Variants in VPS13D observed in about 807,000 individuals in gnomAD.
VPS13D encodes the protein vacuolar protein sorting 13 homolog D, also known as intermembrane lipid transfer protein VPS13D.
A neutral mutation model predicts 461.9 loss-of-function variants in VPS13D; 187 were observed. That is an observed-to-expected ratio of 0.40 (90% CI 0.36 to 0.46). The LOEUF (loss-of-function observed/expected upper bound fraction) is 0.46. VPS13D is among the 20% of genes least tolerant of loss of function. The pLI is 0.60. For synonymous variants in VPS13D, 1,951 were observed against 1,986.3 expected, an observed-to-expected ratio of 0.98 and a Z score of 0.47; for missense variants, 4,711 against 5,364.9, an observed-to-expected ratio of 0.88 and a Z score of 3.81.
chr1:12,322,477 A>C, intron 33 of VPS13D, 59 bp from the exon 34 acceptor site: 1 of 1,508,720 alleles, frequency 6.6e-7, no homozygotes, highest in South Asian at 1.2e-5. Context: ...TCTGTAAGAG[A>C]TATGGATGTA....
At chr1:12,269,623 G>T (rs1641374208) in intron 16 of VPS13D, among the ~76,000 whole-genome samples, 1 of 152,204 alleles carries the variant, frequency 6.6e-6, no homozygotes, top group African/African-American at 2.4e-5. Flanking sequence ...AGTTGTAAAT[G>T]TAATCACTGA....
Position 12,403,781 on chromosome 1 carries a change from C to A in VPS13D, c.11882-44C>A, listed in dbSNP as rs745597203. The A allele has an allele frequency of 7.9e-6, 12 of 1,525,272 alleles. No individual in the cohort carries two copies. The Admixed American group carries it at 2.5e-4, about 31-fold the overall frequency. The allele number at this position is 1,525,272 out of a possible 1,614,324, so 94.5% of individuals were successfully genotyped here. On this transcript the variant is annotated intron_variant, in intron 62 of 69. Transcript: ENST00000620676. ...AAAGTGGATTCTGTGGATCATGAGA[C>A]TAAGAAATTCTTTTTTGTTTTTTTA...
Position 12,321,897 on chromosome 1 carries a change from C to T in VPS13D, c.7637C>T (p.Ser2546Phe). The T allele has an allele frequency of 6.2e-7, 1 of 1,613,632 alleles. No individual in the cohort carries two copies. Among genetic ancestry groups the T allele is most frequent in the Non-Finnish European group, 8.5e-7 (1 of 1,179,854 alleles). ...ATTCAAATGGAGTTGGTGGGGAATT[C>T]TTCTTATCAAAATAGTTCAGGATTG... Reference protein sequence around the residue: ...VQIQMELVGNSSYQNSSGLMD... With the variant: ...VQIQMELVGNFSYQNSSGLMD... Residue 2546 changes from serine to phenylalanine, a missense_variant, in exon 33 of 70, where the codon TCT becomes TTT. Coordinates refer to ENST00000620676, the MANE Select transcript of VPS13D (RefSeq NM_015378.4).
rs573404270 is a variant in VPS13D, at chr1:12,349,408, T to C, written c.9431+34T>C. The C allele has an allele frequency of 1.0e-5, 16 of 1,594,582 alleles. No homozygotes were observed. The African/African-American group carries it at 2.0e-4, about 20-fold the overall frequency. ...CACCACTGCAGTGACATGTCACTTT[T>C]GCCTTTTTTTTTTCTTTTGGAATGA... On this transcript the variant is annotated intron_variant, in intron 46 of 69. Coordinates refer to ENST00000620676, the MANE Select transcript of VPS13D (RefSeq NM_015378.4).
intron 43 of VPS13D, among the ~76,000 whole-genome samples, chr1:12,346,278 C>CA (rs1643674106): frequency 6.6e-6 from 1 of 151,886 alleles, no homozygotes; most frequent in Non-Finnish European, 1.5e-5. Flanking sequence ...TACAAAAAAA[C>CA]AAAAACAAAA....
intron 22 of VPS13D, 91 bp downstream of exon 22, chr1:12,288,404 A>C: frequency 8.5e-7 from 1 of 1,172,526 alleles, no homozygotes; most frequent in Non-Finnish European, 1.3e-6. Flanking sequence ...TCACGTGCTG[A>C]GTAAGGTGTG....
At chr1:12,468,790 T>C (rs1403291181) in intron 67 of VPS13D, among the ~76,000 whole-genome samples, 1 of 152,188 alleles carries the variant, frequency 6.6e-6, no homozygotes, top group African/African-American at 2.4e-5. Flanking sequence ...CCCAACACTT[T>C]GGGAGGCTGG....
At chr1:12,498,014 AAAAC>A (rs1645983784) in intron 68 of VPS13D, among the ~76,000 whole-genome samples, 1 of 152,252 alleles carries the variant, frequency 6.6e-6, no homozygotes, top group African/African-American at 2.4e-5. Flanking sequence ...ACAAAACAGA[AAAAC>A]AAATAGCAAA....
In VPS13D at chr1:12,369,570, C is replaced by T. The variant is rs1364709610; in HGVS notation, c.10676C>T (p.Pro3559Leu). The T allele has an allele frequency of 6.2e-7, 1 of 1,614,058 alleles. No individual in the cohort carries two copies. Among genetic ancestry groups the T allele is most frequent in the African/African-American group, 1.3e-5 (1 of 74,926 alleles). The change falls in exon 54 of 70, where the codon CCA becomes CTA. Residue 3559 changes from proline to leucine, a missense_variant. Transcript: ENST00000620676. Reference sequence around the variant, plus strand: ...TATGCCTGGGACGAACCCACCTTGCCACCTTTTATCACTCTGACTGTTAAA... The same window carrying T: ...TATGCCTGGGACGAACCCACCTTGCTACCTTTTATCACTCTGACTGTTAAA... Reference protein sequence around the residue: ...LDYAWDEPTLPPFITLTVKGA... With the variant: ...LDYAWDEPTLLPFITLTVKGA...
At chr1:12,304,427 A>T (rs1642505397) in intron 25 of VPS13D, 79 bp from the exon 26 acceptor site, 2 of 1,301,498 alleles carry the variant, frequency 1.5e-6, no homozygotes, top group African/African-American at 2.9e-5. Flanking sequence ...GACTTTGGAG[A>T]TATTAAAGAT....
At chr1:12,317,704 C>T (rs996558172) in intron 30 of VPS13D, among the ~76,000 whole-genome samples, 1 of 151,886 alleles carries the variant, frequency 6.6e-6, no homozygotes, top group African/African-American at 2.4e-5. Context: ...GTGATCGTGC[C>T]ACTGCATTCC....
chr1:12,341,289 A>G (rs557411983), intron 40 of VPS13D, among the ~76,000 whole-genome samples: 1 of 152,362 alleles, frequency 6.6e-6, no homozygotes, highest in African/African-American at 2.4e-5. Context: ...CTATTAGTAT[A>G]AAAGAATAGG....
chr1:12,494,005 TG>T (rs1178057720), intron 67 of VPS13D, among the ~76,000 whole-genome samples: 1 of 152,146 alleles, frequency 6.6e-6, no homozygotes, highest in Non-Finnish European at 1.5e-5. Context: ...GTATGCCTTC[TG>T]GAAGTCCTTG....
Position 12,323,686 on chromosome 1 carries a change from T to A in VPS13D, c.7916-20T>A, listed in dbSNP as rs1643103528. Reference sequence around the variant, plus strand: ...TTACATAAAATTATTTATGAAAATTTTATGCTATTTGTTTCCTAGAGTTAC... The same window carrying A: ...TTACATAAAATTATTTATGAAAATTATATGCTATTTGTTTCCTAGAGTTAC... On this transcript the variant is annotated intron_variant, in intron 34 of 69. Transcript: ENST00000620676. The A allele has an allele frequency of 1.2e-6, 2 of 1,607,142 alleles. No homozygotes were observed. Among genetic ancestry groups the A allele is most frequent in the Non-Finnish European group, 1.7e-6 (2 of 1,175,808 alleles).
rs372868633 is a variant in VPS13D at position 12,360,585 on chromosome 1, A to G, written c.10141+1984A>G. 2.1e-4 allele frequency among the ~76,000 whole-genome samples: 32 copies of G among 152,292 alleles called. 1 individual carries two copies. The South Asian group carries it at 5.0e-3, about 24-fold the overall frequency. ...AATTAGATACATCTTTTGTAGTTAG[A>G]CTTTTTATTAGATATCACCTAACTA... On this transcript the variant is annotated intron_variant, in intron 50 of 69. Transcript: ENST00000620676.
chr1:12,318,006 T>C (rs1642934791), intron 30 of VPS13D, 66 bp from the exon 31 acceptor site: 1 of 1,503,388 alleles, frequency 6.7e-7, no homozygotes, highest in African/African-American at 1.4e-5. Context: ...AGCAGTACAT[T>C]TGCAGGTTAT....
At chr1:12,321,062 T>C (rs1643021776) in intron 32 of VPS13D, among the ~76,000 whole-genome samples, 1 of 152,230 alleles carries the variant, frequency 6.6e-6, no homozygotes, top group Admixed American at 6.5e-5. Context: ...CGCTGTGCTC[T>C]TCCTGAGCAT....
At chr1:12,284,221 C>G (rs577227596) in intron 21 of VPS13D, among the ~76,000 whole-genome samples, 57 of 152,286 alleles carry the variant, frequency 3.7e-4, no homozygotes, top group African/African-American at 1.3e-3. Flanking sequence ...AGTTTGAGTC[C>G]TGGTACTTTC....
At chr1:12,506,454 C>T (rs1242087595) in intron 68 of VPS13D, among the ~76,000 whole-genome samples, 5 of 152,236 alleles carry the variant, frequency 3.3e-5, no homozygotes. Flanking sequence ...GCTGTCTCTT[C>T]ATGGCGTGCC....
Sources: gnomAD v4.1 joint callset for allele counts (sites outside exome capture counted in the v4.1 genomes callset) on GRCh38, gnomAD v4.1.1 for gene constraint, MANE v1.5 for transcripts, NCBI Gene and HGNC (gene_info 2026-07-23, HGNC 2026-07-21) for gene names.